Variants in FBXL13 observed in about 807,000 individuals in gnomAD.
FBXL13 encodes F-box and leucine rich repeat protein 13.
FBXL13 carries 67 observed loss-of-function variants against 83.6 expected under a neutral mutation model. The observed-to-expected ratio is 0.80, with a 90% CI of 0.66 to 0.98. The LOEUF (loss-of-function observed/expected upper bound fraction) is 0.98, where lower values mean the gene tolerates loss of function less well. Among genes scored for constraint, FBXL13 ranks in the 50% least tolerant of loss-of-function variants. The pLI is 0.00. For missense variants in FBXL13, 822 were observed against 866.5 expected, an observed-to-expected ratio of 0.95 and a Z score of 0.64; for synonymous variants, 272 against 299.5, an observed-to-expected ratio of 0.91 and a Z score of 0.95.
intron 2 of FBXL13, among the ~76,000 whole-genome samples, chr7:103,052,976 C>G (rs1219255704): frequency 6.6e-6 from 1 of 151,734 alleles, no homozygotes; most frequent in Non-Finnish European, 1.5e-5. Context: ...AGGCTGGTCT[C>G]AAGCTCCTGA....
intron 1 of FBXL13, among the ~76,000 whole-genome samples, chr7:103,068,803 C>T (rs1426401134): frequency 6.6e-6 from 1 of 152,212 alleles, no homozygotes; most frequent in Non-Finnish European, 1.5e-5. Context: ...GGAGTGTTCA[C>T]ACAGGAGGCT....
At chr7:102,922,228 T>C (rs1387255159) in intron 10 of FBXL13, among the ~76,000 whole-genome samples, 5 of 151,506 alleles carry the variant, frequency 3.3e-5, no homozygotes, top group African/African-American at 1.2e-4. Context: ...TAAATAAACA[T>C]TACTGAGTGA....
At chr7:102,914,720 G>C (rs1015966396) in intron 10 of FBXL13, among the ~76,000 whole-genome samples, 1 of 152,222 alleles carries the variant, frequency 6.6e-6, no homozygotes, top group Non-Finnish European at 1.5e-5. Context: ...AGAGCGAGGG[G>C]GAAGGCTTTG....
At chr7:103,021,375 A>C (rs1189637707) in intron 6 of FBXL13, among the ~76,000 whole-genome samples, 5 of 152,210 alleles carry the variant, frequency 3.3e-5, no homozygotes, top group Non-Finnish European at 5.9e-5. Flanking sequence ...AAAACCATAA[A>C]AACCCTAGAA....
At chr7:102,962,567 G>T (rs1007891576) in intron 8 of FBXL13, among the ~76,000 whole-genome samples, 1 of 152,008 alleles carries the variant, frequency 6.6e-6, no homozygotes, top group Non-Finnish European at 1.5e-5. Flanking sequence ...ACAAAGCAAA[G>T]ACTTGGAACC....
At chr7:103,073,503 A>C (rs1799236177) in intron 1 of FBXL13, among the ~76,000 whole-genome samples, 1 of 152,016 alleles carries the variant, frequency 6.6e-6, no homozygotes, top group Non-Finnish European at 1.5e-5. Context: ...TGATGATAAT[A>C]ATAATATGTC....
At chr7:102,829,616 A>C (rs956596216) in intron 18 of FBXL13, among the ~76,000 whole-genome samples, 1 of 152,178 alleles carries the variant, frequency 6.6e-6, no homozygotes, top group Non-Finnish European at 1.5e-5. Flanking sequence ...GCCCCAGAGC[A>C]ACCAGCTTTT....
intron 10 of FBXL13, among the ~76,000 whole-genome samples, chr7:102,925,173 C>A (rs117493199): frequency 1.1e-3 from 172 of 152,276 alleles, no homozygotes; most frequent in Non-Finnish European, 1.7e-3. Flanking sequence ...GTGGGCAGAT[C>A]ATTTGAGCCC....
intron 6 of FBXL13, among the ~76,000 whole-genome samples, chr7:103,022,626 G>A (rs1221158137): frequency 6.6e-6 from 1 of 152,150 alleles, no homozygotes; most frequent in Non-Finnish European, 1.5e-5. Context: ...GCCACACGCG[G>A]AATATTGAAA....
intron 2 of FBXL13, chr7:103,030,911 A>G (rs2129489310): frequency 6.6e-6 from 1 of 152,116 alleles, no homozygotes; most frequent in South Asian, 2.1e-4. Context: ...ATAAATTTTT[A>G]TTTTAACTTT....
Position 103,008,942 on chromosome 7 carries a change from T to G in FBXL13, c.495+16121A>C, listed in dbSNP as rs183181320. Among the ~76,000 whole-genome samples the G allele has an allele frequency of 1.2e-4, 18 of 152,170 alleles. No individual in the cohort carries two copies. In the East Asian group the frequency reaches 3.5e-3, roughly 29 times the overall value. ...AAAATAAATGACAATAATAGCACAA[T>G]ACACAGGAGGGAGAAAATAAAAGCA... On this transcript the variant is annotated intron_variant, in intron 6 of 19. Transcript: ENST00000313221.
chr7:103,049,099 C>A (rs951499461), intron 2 of FBXL13, among the ~76,000 whole-genome samples: 1 of 152,162 alleles, frequency 6.6e-6, no homozygotes, highest in African/African-American at 2.4e-5. Flanking sequence ...TTTAAACAAC[C>A]AGTCATTTTA....
intron 18 of FBXL13, 169 bp from the exon 20 acceptor site, chr7:102,822,372 G>C: frequency 1.4e-6 from 1 of 730,634 alleles, no homozygotes; most frequent in South Asian, 1.5e-5. Context: ...CTGAGATAAA[G>C]ATAGAGGTAC....
In FBXL13 at chr7:103,040,659, G is replaced by A. The variant is rs535928922; in HGVS notation, c.1-11241C>T. 4.1e-4 allele frequency among the ~76,000 whole-genome samples: 63 copies of A among 152,246 alleles called. No homozygotes were observed. In the Middle Eastern group the frequency reaches 0.01, roughly 25 times the overall value. ...ACAGTGCAATCAAATTAGTACTCAG[G>A]ATTAATAAACTCACTCAAAACTGTA... is the stretch of plus-strand genomic sequence containing the variant. On this transcript the variant is annotated intron_variant, in intron 2 of 19. Coordinates refer to ENST00000313221, the Ensembl canonical transcript of FBXL13.
chr7:102,971,756 T>G (rs1826700291), intron 6 of FBXL13, among the ~76,000 whole-genome samples: 1 of 152,070 alleles, frequency 6.6e-6, no homozygotes. Flanking sequence ...CCAGGCACAG[T>G]GGCTCATGCC....
intron 6 of FBXL13, among the ~76,000 whole-genome samples, chr7:102,999,115 T>G (rs1034568483): frequency 7.0e-6 from 1 of 142,324 alleles, no homozygotes; most frequent in East Asian, 2.0e-4. Context: ...TTGTTGAGGG[T>G]TTTTTTTTTA....
intron 1 of FBXL13, among the ~76,000 whole-genome samples, chr7:103,064,784 T>C (rs1382805577): frequency 1.3e-5 from 2 of 152,166 alleles, no homozygotes; most frequent in Non-Finnish European, 2.9e-5. Flanking sequence ...AACTTCTACC[T>C]GGTTCTCTCT....
chr7:102,926,427 T>G, intron 9 of FBXL13, 53 bp from the exon 11 acceptor site: 1 of 1,394,580 alleles, frequency 7.2e-7, no homozygotes, highest in Admixed American at 2.0e-5. Flanking sequence ...GGCTTTGCAA[T>G]TTCCCCATTA....
intron 14 of FBXL13, among the ~76,000 whole-genome samples, chr7:102,881,713 C>T (rs1810123349): frequency 1.3e-5 from 2 of 152,198 alleles, no homozygotes; most frequent in East Asian, 3.9e-4. Flanking sequence ...GGTTCTAGCT[C>T]AGGGTCTCTC....
Sources: allele counts gnomAD v4.1 joint callset (sites outside exome capture counted in the v4.1 genomes callset), GRCh38; gene constraint gnomAD v4.1.1; transcripts MANE v1.5; gene names NCBI Gene and HGNC (gene_info 2026-07-23, HGNC 2026-07-21).